The following TPSG1 variants were observed in gnomAD, a reference collection of about 807,000 sequenced individuals.
TPSG1 encodes the protein tryptase gamma 1.
In TPSG1, 43 loss-of-function variants were observed where a neutral mutation model predicts 23.8. That is an observed-to-expected ratio of 1.81 (90% CI 1.42 to 2.33). The LOEUF (loss-of-function observed/expected upper bound fraction) is 2.33. TPSG1 is among the 30% of genes most tolerant of loss of function. The pLI is 0.00. For synonymous variants in TPSG1, 302 were observed against 201.3 expected (o/e 1.50, Z -4.23); for missense variants, 623 against 438.6 (o/e 1.42, Z -3.75).
chr16:1,223,355 C>G (rs1367729690), intron 3 of TPSG1, 68 bp downstream of exon 3: 8 of 1,480,234 alleles, frequency 5.4e-6, no homozygotes, highest in Non-Finnish European at 6.3e-6. Flanking sequence ...AAGTGGAGGC[C>G]TCTGCGCTGG....
In TPSG1 at chr16:1,223,510, G is replaced by A; in HGVS notation, c.158C>T (p.Ala53Val). The A allele has an allele frequency of 6.4e-7, 1 of 1,562,094 alleles. No homozygotes were observed. The highest frequency in any genetic ancestry group is 2.4e-5 in the East Asian group (1 of 42,374). ...GTGCACCCTCCGCAGGCGGAGGCTG[G>A]CCTGCCATGGCCATGCGCCGGCCGG... Reference protein sequence around the residue: ...AAPAGAWPWQASLRLRRVHVC... With the variant: ...AAPAGAWPWQVSLRLRRVHVC... The change falls in exon 3 of 6, where the codon GCC becomes GTC. Residue 53 changes from alanine to valine, a missense_variant. Transcript: ENST00000234798.
At chr16:1,225,113 T>TC (rs879761881) in intron 1 of TPSG1, 94 bp downstream of exon 1, 16 of 1,465,832 alleles carry the variant, frequency 1.1e-5, no homozygotes, top group Non-Finnish European at 1.5e-5. Flanking sequence ...AGCATGTTTC[T>TC]CCGTCTCAGA....
At chr16:1,222,396 G>C in intron 4 of TPSG1, 55 bp from the exon 5 acceptor site, 2 of 1,465,682 alleles carry the variant, frequency 1.4e-6, no homozygotes, top group Non-Finnish European at 1.8e-6. Context: ...CCCTGCACTG[G>C]GGGGATGGGA....
chr16:1,222,956 G>A (rs199782965), intron 3 of TPSG1, 39 bp from the exon 4 acceptor site: 104 of 1,561,228 alleles, frequency 6.7e-5, no homozygotes, highest in African/African-American at 2.8e-4. Context: ...GGCCAGCTGC[G>A]GAGGCTGGAG....
In TPSG1 at chr16:1,222,250, G is replaced by T. The variant is rs1478398756; in HGVS notation, c.603C>A (p.Gly201=). Residue 201 remains glycine, a synonymous_variant, in exon 5 of 6, where the codon GGC becomes GGA. Transcript: ENST00000234798. The part of the protein sequence containing the change: ...TCRRDYPGPG[G]SILQPDMLCA... The stretch of plus-strand genomic sequence containing the variant: ...ACAGCATGTCGGGCTGAAGGATGCT[G>T]CCCCCGGGGCCGGGATAGTCCCGGC... 6.2e-7 allele frequency: 1 copy of T among 1,611,938 alleles called. No homozygotes were observed. The highest frequency in any genetic ancestry group is 1.3e-5 in the African/African-American group (1 of 74,866).
intron 1 of TPSG1, 197 bp from the exon 2 acceptor site, chr16:1,224,825 A>G (rs1034056163): frequency 2.1e-5 from 14 of 669,570 alleles, no homozygotes; most frequent in Non-Finnish European, 3.3e-5. Context: ...CAGGCCATAA[A>G]CGGCAGCTGG....
chr16:1,222,522 C>G (rs1425158021), intron 4 of TPSG1, 130 bp downstream of exon 4: 2 of 1,358,846 alleles, frequency 1.5e-6, no homozygotes, highest in Non-Finnish European at 2.0e-6. Flanking sequence ...AAGGGACAGC[C>G]GATAGGGGCG....
chr16:1,222,096 C>T lies in TPSG1; in HGVS notation c.658G>A (p.Asp220Asn). 6.2e-7 allele frequency: 1 copy of T among 1,612,780 alleles called. No homozygotes were observed. The highest frequency in any genetic ancestry group is 8.5e-7 in the Non-Finnish European group (1 of 1,180,000). Residue 220 changes from aspartate (D) to asparagine (N), a missense_variant and splice_region_variant, in exon 6 of 6, where the codon GAC (aspartate) becomes AAC (asparagine). Physicochemically the swap from Asp to Asn is conservative, Grantham distance 23. Transcript: ENST00000234798. ...CARGPGDACQ[D>N]DSGGPLVCQV... ...CAGACCAGAGGCCCCCCGGAGTCGT[C>T]CTGAGGACAGAGAAGGCGAGCATTG...
chr16:1,223,135 G>A (rs1022304199), intron 3 of TPSG1, among the ~76,000 whole-genome samples: 2 of 152,238 alleles, frequency 1.3e-5, no homozygotes, highest in Admixed American at 1.3e-4. Flanking sequence ...CCAGCAGCAT[G>A]CCCGACACCA....
At position 1,222,718 on chromosome 16, in the gene TPSG1, C is replaced by G. The variant is rs781573531; in HGVS notation, c.445G>C (p.Ala149Pro). 6.2e-7 allele frequency: 1 copy of G among 1,609,338 alleles called. No individual in the cohort carries two copies. Among genetic ancestry groups the G allele is most frequent in the African/African-American group, 1.3e-5 (1 of 74,874 alleles). ...SRILPVCLPE[A>P]SDDFCPGIRC... The stretch of plus-strand genomic sequence containing the variant: ...ATCCCAGGGCAGAAGTCATCTGAGG[C>G]CTCCGGGAGGCAGACGGGCAGGATC... The change falls in exon 4 of 6, where the codon GCC (alanine) becomes CCC (proline). Residue 149 changes from alanine to proline, a missense_variant. By Grantham distance (27) the Ala-to-Pro change is conservative. Coordinates refer to ENST00000234798, the MANE Select transcript of TPSG1 (RefSeq NM_012467.4).
rs755492854 is a variant in TPSG1, at chr16:1,225,218, A to G, written c.35T>C (p.Leu12Pro). ...ALGACGLLLLLAVPGVSLRTL... is the reference protein window; with the variant it reads ...ALGACGLLLLPAVPGVSLRTL... Reference sequence around the variant, plus strand: ...GCCAGGTCACCCACCGGGCACAGCCAGGAGCAGCAGGAGGCCACAGGCCCC... The same window carrying G: ...GCCAGGTCACCCACCGGGCACAGCCGGGAGCAGCAGGAGGCCACAGGCCCC... The change falls in exon 1 of 6, where the codon CTG (leucine) becomes CCG (proline). Residue 12 changes from leucine to proline, a missense_variant. Transcript: ENST00000234798. 6.3e-7 allele frequency: 1 copy of G among 1,578,496 alleles called. No individual in the cohort carries two copies. Among genetic ancestry groups the G allele is most frequent in the Middle Eastern group, 1.7e-4 (1 of 6,002 alleles).
In TPSG1 at chr16:1,222,327, G is replaced by A. The variant is rs199782274; in HGVS notation, c.526C>T (p.Pro176Ser). Reference protein sequence around the residue: ...YTREGEPLPPPYSLREVKVSV... With the variant: ...YTREGEPLPPSYSLREVKVSV... ...ACTTTCACCTCCCGCAGGCTGTACG[G>A]GGGTGGCAGAGGCTCTGGGGTGGGG... The change falls in exon 5 of 6, where the codon CCG becomes TCG. Residue 176 changes from proline to serine, a missense_variant. Transcript: ENST00000234798. 2.6e-4 allele frequency: 418 copies of A among 1,600,702 alleles called. No homozygotes were observed. The highest frequency in any genetic ancestry group is 3.4e-4 in the Non-Finnish European group (395 of 1,172,432).
At chr16:1,222,988 A>G (rs1328382510) in intron 3 of TPSG1, 71 bp from the exon 4 acceptor site, 4 of 1,480,326 alleles carry the variant, frequency 2.7e-6, no homozygotes, top group South Asian at 2.7e-5. Flanking sequence ...CCCCGCCCAG[A>G]CCCTACCCTT....
intron 2 of TPSG1, 38 bp from the exon 3 acceptor site, chr16:1,223,632 C>A (rs528265465): frequency 6.6e-7 from 1 of 1,524,472 alleles, no homozygotes; most frequent in Non-Finnish European, 8.8e-7. Context: ...GTGGGGATCC[C>A]AAGAAACCCA....
At chr16:1,224,464 G>T in intron 2 of TPSG1, 138 bp downstream of exon 2, 1 of 1,107,388 alleles carries the variant, frequency 9.0e-7, no homozygotes, top group East Asian at 2.4e-5. Flanking sequence ...ACCGAGAGAT[G>T]CGAGCAGAAA....
At position 1,222,882 on chromosome 16, in the gene TPSG1, C is replaced by T. The variant is rs767241493; in HGVS notation, c.281G>A (p.Gly94Glu). The change falls in exon 4 of 6, where the codon GGG becomes GAG. Residue 94 changes from glycine to glutamate, a missense_variant. By Grantham distance (98) the Gly-to-Glu change is moderately conservative. Transcript: ENST00000234798. ...LNSSDYQVHLGELEITLSPHF... is the reference protein window; with the variant it reads ...LNSSDYQVHLEELEITLSPHF... ...GGGAGACAGAGTGATCTCCAGTTCCCCCAGGTGCACCTGGTAGTCGGATGA... is the reference window on the plus strand; with the variant it reads ...GGGAGACAGAGTGATCTCCAGTTCCTCCAGGTGCACCTGGTAGTCGGATGA... 3.5e-5 allele frequency: 57 copies of T among 1,608,754 alleles called. No individual in the cohort carries two copies. The Admixed American group carries it at 9.4e-4, about 27-fold the overall frequency.
At position 1,222,342 on chromosome 16, in the gene TPSG1, C is replaced by T. The variant is rs751477193; in HGVS notation, c.512-1G>A. The T allele has an allele frequency of 1.9e-6, 3 of 1,588,454 alleles. No individual in the cohort carries two copies. The South Asian group carries it at 3.4e-5, about 18-fold the overall frequency. ...AGGCTGTACGGGGGTGGCAGAGGCT[C>T]TGGGGTGGGGGGAACAGGCTTCAGA... On this transcript the variant is annotated splice_acceptor_variant, in intron 4 of 5. Coordinates refer to ENST00000234798, the MANE Select transcript of TPSG1 (RefSeq NM_012467.4). LOFTEE classifies it high-confidence loss of function.
intron 1 of TPSG1, 35 bp from the exon 2 acceptor site, chr16:1,224,663 G>A (rs1429002330): frequency 1.2e-6 from 2 of 1,613,248 alleles, no homozygotes; most frequent in East Asian, 2.2e-5. Flanking sequence ...GATGGAGGGG[G>A]CTGCCAAGGA....
At position 1,222,690 on chromosome 16, in the gene TPSG1, C is replaced by T. The variant is rs760619425; in HGVS notation, c.473G>A (p.Arg158Gln). The change falls in exon 4 of 6, where the codon CGG becomes CAG. Residue 158 changes from arginine (R) to glutamine (Q), a missense_variant. By Grantham distance (43) the Arg-to-Gln change is conservative. Transcript: ENST00000234798. ...ATAGCCCCAGCCGGTCACCCAGCACCGGATCCCAGGGCAGAAGTCATCTGA... is the reference window on the plus strand; with the variant it reads ...ATAGCCCCAGCCGGTCACCCAGCACTGGATCCCAGGGCAGAAGTCATCTGA... ...EASDDFCPGI[R>Q]CWVTGWGYTR... is the part of the protein sequence containing the mutation. The T allele has an allele frequency of 8.2e-6, 13 of 1,589,792 alleles. No individual in the cohort carries two copies. Among genetic ancestry groups the T allele is most frequent in the Admixed American group, 5.1e-5 (3 of 59,326 alleles).
Sources: gnomAD v4.1 joint callset for allele counts (sites outside exome capture counted in the v4.1 genomes callset) on GRCh38, gnomAD v4.1.1 for gene constraint, MANE v1.5 for transcripts, NCBI Gene and HGNC (gene_info 2026-07-23, HGNC 2026-07-21) for gene names.